UTS2B: variants seen among roughly 807,000 people sequenced by gnomAD.
UTS2B encodes urotensin-2B.
A neutral mutation model predicts 19.2 loss-of-function variants in UTS2B; 21 were observed. The ratio of observed to expected loss-of-function variants is 1.09; its 90% CI spans 0.78 to 1.58. The LOEUF (loss-of-function observed/expected upper bound fraction) is 1.58. Among genes scored for constraint, UTS2B ranks in the 40% most tolerant of loss-of-function variants. UTS2B has a pLI of 0.00. For synonymous variants in UTS2B, 57 were observed against 50.2 expected (o/e 1.14, Z -0.58); for missense variants, 138 against 130.3 (o/e 1.06, Z -0.29).
rs1716290034 is a variant in UTS2B, at chr3:191,278,171, C to G, written c.104-1G>C. On this transcript the variant is annotated splice_acceptor_variant, in intron 5 of 8. Coordinates refer to ENST00000340524, the MANE Select transcript of UTS2B (RefSeq NM_198152.5). LOFTEE classifies it high-confidence loss of function. ...TTTTTATCTGGAAATATTTCATTTCCTATAATGATCAAAAACCACCATTTT... is the reference window on the plus strand; with the variant it reads ...TTTTTATCTGGAAATATTTCATTTCGTATAATGATCAAAAACCACCATTTT... The G allele has an allele frequency of 2.0e-6, 3 of 1,479,122 alleles. No homozygotes were observed. The East Asian group carries it at 7.2e-5, about 35-fold the overall frequency. 91.6% of individuals were successfully genotyped at this position (1,479,122 alleles called of 1,614,324 possible). A position where few individuals can be genotyped will look rare whatever the true frequency, so the allele number is the denominator to read the frequency against.
chr3:191,297,960 T>C (rs752728047), intron 4 of UTS2B, among the ~76,000 whole-genome samples: 1 of 152,244 alleles, frequency 6.6e-6, no homozygotes, highest in Non-Finnish European at 1.5e-5. Context: ...CATATAACAC[T>C]GAGAATTCCA....
At chr3:191,311,814 C>T (rs12491647) in intron 3 of UTS2B, among the ~76,000 whole-genome samples, 35,218 of 152,034 alleles carry the variant, frequency 0.23, 4,319 homozygotes, top group South Asian at 0.29. Context: ...TCCCAGAGCC[C>T]TCTGAGAAAT....
At chr3:191,268,608 A>G (rs1716006585) in intron 8 of UTS2B, among the ~76,000 whole-genome samples, 167 bp from the exon 9 acceptor site, 1 of 152,232 alleles carries the variant, frequency 6.6e-6, no homozygotes, top group African/African-American at 2.4e-5. Context: ...TCACAATTAA[A>G]TTAAAAATTC....
chr3:191,332,373 A>T (rs1718018636), upstream of UTS2B, among the ~76,000 whole-genome samples: 1 of 152,228 alleles, frequency 6.6e-6, no homozygotes, highest in African/African-American at 2.4e-5. Context: ...GAAATGATTG[A>T]GTTCATATGT....
At chr3:191,339,396 TA>T in the UTS2B span, among the ~76,000 whole-genome samples, 5 of 152,162 alleles carry the variant, frequency 3.3e-5, no homozygotes, top group Non-Finnish European at 7.4e-5. Flanking sequence ...TGACTCTATA[TA>T]AAAAAAGTGA....
At chr3:191,312,281 A>G (rs1396767268) in intron 3 of UTS2B, among the ~76,000 whole-genome samples, 2 of 143,294 alleles carry the variant, frequency 1.4e-5, no homozygotes, top group East Asian at 3.9e-4. Context: ...AATTTGATTC[A>G]GAGTATCAGC....
chr3:191,305,731 C>T (rs766838556), intron 3 of UTS2B, among the ~76,000 whole-genome samples: 5 of 152,226 alleles, frequency 3.3e-5, no homozygotes, highest in African/African-American at 4.8e-5. Flanking sequence ...GTCATCAAAC[C>T]TTTGCCCATG....
chr3:191,328,741 C>G (rs954259394), intron 1 of UTS2B, 32 bp from the exon 2 acceptor site: 4 of 152,190 alleles, frequency 2.6e-5, no homozygotes, highest in African/African-American at 9.7e-5. Flanking sequence ...GTCACAATTA[C>G]AATCCAATGT....
chr3:191,278,374 A>C (rs535214740), intron 5 of UTS2B, among the ~76,000 whole-genome samples: 1 of 152,102 alleles, frequency 6.6e-6, no homozygotes, highest in East Asian at 1.9e-4. Context: ...ACAGAGAGAG[A>C]ATATATGCAT....
At chr3:191,311,200 C>G (rs773317081) in intron 3 of UTS2B, among the ~76,000 whole-genome samples, 1 of 152,242 alleles carries the variant, frequency 6.6e-6, no homozygotes, top group Non-Finnish European at 1.5e-5. Context: ...TGATAGCAGT[C>G]AGTTCAGTCC....
In UTS2B at chr3:191,289,408, CAATA is replaced by C. The variant is rs373034429; in HGVS notation, c.-124-7099_-124-7096del. Among the ~76,000 whole-genome samples, 1,088 of 139,316 alleles carry C rather than the reference CAATA, an allele frequency of 7.8e-3. 16 individuals are homozygous for C. Among genetic ancestry groups the C allele is most frequent in the African/African-American group, 0.027 (957 of 35,480 alleles). 91.4% of individuals were successfully genotyped at this position (139,316 alleles called of 152,430 possible). On this transcript the variant is annotated intron_variant, in intron 4 of 8. Coordinates refer to ENST00000340524, the MANE Select transcript of UTS2B (RefSeq NM_198152.5). ...TGGGCAACAGACCAAGACTCCATCT[CAATA>C]AATAAATAAATAAATAAATAAATAA... is the stretch of plus-strand genomic sequence containing the variant.
chr3:191,335,109 A>T (rs1309096392), upstream of UTS2B, among the ~76,000 whole-genome samples: 1 of 152,200 alleles, frequency 6.6e-6, no homozygotes, highest in African/African-American at 2.4e-5. Context: ...CTTGTTAGGG[A>T]CTTAACAGTT....
upstream of UTS2B, among the ~76,000 whole-genome samples, chr3:191,330,700 G>A (rs1359302942): frequency 6.6e-6 from 1 of 152,184 alleles, no homozygotes; most frequent in Non-Finnish European, 1.5e-5. Context: ...ATTGAAAATA[G>A]TTTTTGCTTT....
At chr3:191,307,999 C>G (rs1019564317) in intron 3 of UTS2B, among the ~76,000 whole-genome samples, 1 of 152,066 alleles carries the variant, frequency 6.6e-6, no homozygotes, top group Admixed American at 6.6e-5. Context: ...CCATGTCCGG[C>G]TAACTTTTGT....
rs36122808 is a variant in UTS2B, at chr3:191,316,216, G to GT, written c.-363_-362insA. 34,053 of 152,552 alleles carry GT rather than the reference G, an allele frequency of 0.22. 4,149 individuals are homozygous for GT. Among genetic ancestry groups the GT allele is most frequent in the South Asian group, 0.29 (1,419 of 4,828 alleles). The allele number at this position is 152,552 out of a possible 1,614,324, so 9.4% of individuals were successfully genotyped here. A position where few individuals can be genotyped will look rare whatever the true frequency, so the allele number is the denominator to read the frequency against. ...CCAGTTTCCAACAGCATATTAGTGT[G>GT]CCGGAATTGGTGGGTTCTTGGTCTC... On this transcript the variant is annotated 5_prime_UTR_variant, in exon 3 of 9. Coordinates refer to ENST00000340524, the MANE Select transcript of UTS2B (RefSeq NM_198152.5).
chr3:191,307,783 C>T (rs1717180414), intron 3 of UTS2B, among the ~76,000 whole-genome samples: 1 of 152,024 alleles, frequency 6.6e-6, no homozygotes, highest in African/African-American at 2.4e-5. Context: ...TGTCAGTCAG[C>T]ACCTTATGTA....
At chr3:191,295,172 A>G (rs1198842776) in intron 4 of UTS2B, among the ~76,000 whole-genome samples, 2 of 152,028 alleles carry the variant, frequency 1.3e-5, no homozygotes, top group East Asian at 3.8e-4. Flanking sequence ...CAAACTTCCT[A>G]AAATAATTTT....
chr3:191,299,671 G>T (rs922172610), intron 4 of UTS2B, among the ~76,000 whole-genome samples: 1 of 152,256 alleles, frequency 6.6e-6, no homozygotes, highest in Non-Finnish European at 1.5e-5. Flanking sequence ...GGGGAAGTGT[G>T]GGGGTGGAAC....
At chr3:191,302,367 T>C (rs759888092) in intron 4 of UTS2B, among the ~76,000 whole-genome samples, 3 of 152,230 alleles carry the variant, frequency 2.0e-5, no homozygotes, top group Admixed American at 6.5e-5. Context: ...TTGTTTAGCA[T>C]ATGATTAAGA....
Sources: allele counts gnomAD v4.1 joint callset (sites outside exome capture counted in the v4.1 genomes callset), GRCh38; gene constraint gnomAD v4.1.1; transcripts MANE v1.5; gene names NCBI Gene and HGNC (gene_info 2026-07-23, HGNC 2026-07-21).